Variants in LGR6 observed in about 807,000 individuals in gnomAD.
LGR6 encodes leucine rich repeat containing G protein-coupled receptor 6.
A neutral mutation model predicts 69.4 loss-of-function variants in LGR6; 45 were observed. That is an observed-to-expected ratio of 0.65 (90% confidence interval 0.51 to 0.83). The LOEUF is 0.83. LGR6 is among the 40% of genes least tolerant of loss of function. LGR6 has a pLI of 0.00. For missense variants in LGR6, 1,108 were observed against 1,246.7 expected (o/e 0.89, Z 1.68); for synonymous variants, 538 against 555.0 (o/e 0.97, Z 0.43).
intron 3 of LGR6, among the ~76,000 whole-genome samples, chr1:202,233,869 AAAGAG>A (rs1316059394): frequency 6.6e-6 from 1 of 152,234 alleles, no homozygotes; most frequent in Non-Finnish European, 1.5e-5. Context: ...ATAGATAAGA[AAAGAG>A]AAAACTAAGG....
At chr1:202,225,609 G>A in intron 2 of LGR6, 115 bp downstream of exon 2, 1 of 786,424 alleles carries the variant, frequency 1.3e-6, no homozygotes, top group Non-Finnish European at 2.1e-6. Context: ...GGGAAGCTAA[G>A]ACAGTTCTTG....
At chr1:202,220,899 ACACT>A (rs1407416269) in intron 1 of LGR6, among the ~76,000 whole-genome samples, 1 of 152,182 alleles carries the variant, frequency 6.6e-6, no homozygotes, top group African/African-American at 2.4e-5. Context: ...ACACACACAC[ACACT>A]ATGTGAGGTG....
At chr1:202,218,495 G>A (rs1018664661) in intron 1 of LGR6, among the ~76,000 whole-genome samples, 5 of 152,090 alleles carry the variant, frequency 3.3e-5, no homozygotes, top group South Asian at 2.1e-4. Flanking sequence ...ATGAGGTCTC[G>A]CAATGTTGTC....
chr1:202,304,496 G>C lies in LGR6; in HGVS notation c.999-63G>C. ...ACAGTATCAGGTCCAGAGCTGGAGCGGGGTGGCTGGGAATGGCAGGGCCCT... is the reference window on the plus strand; with the variant it reads ...ACAGTATCAGGTCCAGAGCTGGAGCCGGGTGGCTGGGAATGGCAGGGCCCT... On this transcript the variant is annotated intron_variant, in intron 10 of 17. Coordinates refer to ENST00000367278, the MANE Select transcript of LGR6 (RefSeq NM_001017403.2). The C allele has an allele frequency of 7.5e-6, 9 of 1,197,504 alleles. No individual in the cohort carries two copies. The South Asian group carries it at 1.1e-4, about 14-fold the overall frequency. 74.2% of individuals were successfully genotyped at this position (1,197,504 alleles called of 1,614,324 possible).
rs189604907 is a variant in LGR6 at position 202,238,262 on chromosome 1, T to C, written c.428+2269T>C. Among the ~76,000 whole-genome samples the C allele has an allele frequency of 4.0e-5, 6 of 151,380 alleles. No homozygotes were observed. In the East Asian group the frequency reaches 5.9e-4, roughly 15 times the overall value. ...AGGTGTGCACTACCACGCCAACTAA[T>C]TTTTGTATTTTTTTGTAGAGATGGG... On this transcript the variant is annotated intron_variant, in intron 4 of 17. Transcript: ENST00000367278.
At position 202,313,536 on chromosome 1, in the gene LGR6, T is replaced by C. The variant is rs141998524; in HGVS notation, c.1568-1266T>C. 4.6e-3 allele frequency among the ~76,000 whole-genome samples: 698 copies of C among 152,296 alleles called. 1 individual carries two copies. Among genetic ancestry groups the C allele is most frequent in the Middle Eastern group, 0.01 (3 of 294 alleles). ...GCTGTGAGGCTGCAGGCAAGCCACT[T>C]AACTTCAATGAGCCTCAGTCTCCTT... On this transcript the variant is annotated intron_variant, in intron 16 of 17. Transcript: ENST00000367278.
At chr1:202,197,277 G>C (rs1421000480) in intron 1 of LGR6, among the ~76,000 whole-genome samples, 1 of 152,202 alleles carries the variant, frequency 6.6e-6, no homozygotes, top group Non-Finnish European at 1.5e-5. Context: ...GACCAGAAAG[G>C]CGTCTTTATA....
At chr1:202,255,275 C>T (rs1663669714) in intron 4 of LGR6, among the ~76,000 whole-genome samples, 1 of 152,162 alleles carries the variant, frequency 6.6e-6, no homozygotes, top group African/African-American at 2.4e-5. Context: ...TGCCATGGGC[C>T]ACAAGTGAGG....
At chr1:202,237,130 C>T (rs1034922332) in intron 4 of LGR6, among the ~76,000 whole-genome samples, 1 of 152,300 alleles carries the variant, frequency 6.6e-6, no homozygotes. Flanking sequence ...CTCAGCTGCT[C>T]GATCGATCGG....
At chr1:202,195,370 G>T (rs969304712) in intron 1 of LGR6, among the ~76,000 whole-genome samples, 1 of 152,208 alleles carries the variant, frequency 6.6e-6, no homozygotes, top group Non-Finnish European at 1.5e-5. Flanking sequence ...GAGGTAGAGG[G>T]TCCCAGAGGG....
intron 1 of LGR6, among the ~76,000 whole-genome samples, chr1:202,204,510 CACACACACCTCCAA>C (rs1255601196): frequency 1.2e-4 from 9 of 76,126 alleles, no homozygotes; most frequent in African/African-American, 3.7e-4. Flanking sequence ...CCTCCAAACA[CACACACACCTCCAA>C]ACACACACAC....
At chr1:202,209,492 G>A (rs901991661) in intron 1 of LGR6, among the ~76,000 whole-genome samples, 19 of 152,332 alleles carry the variant, frequency 1.2e-4, no homozygotes, top group African/African-American at 3.1e-4. Context: ...CGTGGGGAGC[G>A]GGCAGAGTTG....
At chr1:202,230,844 A>G (rs1434332871) in intron 3 of LGR6, among the ~76,000 whole-genome samples, 1 of 152,092 alleles carries the variant, frequency 6.6e-6, no homozygotes, top group Non-Finnish European at 1.5e-5. Context: ...GGCATCTAGA[A>G]AGACTCCTGC....
intron 4 of LGR6, among the ~76,000 whole-genome samples, chr1:202,252,587 G>A (rs1307292462): frequency 6.6e-6 from 1 of 152,214 alleles, no homozygotes; most frequent in East Asian, 1.9e-4. Flanking sequence ...GCAACTACCT[G>A]CTGCCAGGGG....
chr1:202,218,913 C>G (rs61821577), intron 1 of LGR6, among the ~76,000 whole-genome samples: 2 of 152,152 alleles, frequency 1.3e-5, no homozygotes, highest in Non-Finnish European at 2.9e-5. Context: ...AAGTCCTTCC[C>G]CAGCAACATT....
chr1:202,253,825 A>C (rs1313866388), intron 4 of LGR6, among the ~76,000 whole-genome samples: 2 of 51,734 alleles, frequency 3.9e-5, no homozygotes, highest in African/African-American at 8.7e-5. Flanking sequence ...TTTTTTTTTG[A>C]GACGGAGTCT....
intron 4 of LGR6, 80 bp from the exon 5 acceptor site, chr1:202,276,226 C>T: frequency 8.4e-7 from 1 of 1,193,824 alleles, no homozygotes; most frequent in South Asian, 1.4e-5. Context: ...CTGTTGAGGG[C>T]CTGGCTGGCC....
chr1:202,244,263 C>T (rs1029517302), intron 4 of LGR6, among the ~76,000 whole-genome samples: 3 of 152,152 alleles, frequency 2.0e-5, no homozygotes, highest in African/African-American at 7.2e-5. Flanking sequence ...AGCCTAATCA[C>T]CTGTGTCTTA....
rs906197354 is a variant in LGR6 at position 202,194,494 on chromosome 1, C to A, written c.212+293C>A. ...GGCGAGGTGGGTTCTGGACCCTGAG[C>A]GGGAGGGCGCGGGGCTGGCTGCTCC... On this transcript the variant is annotated intron_variant, in intron 1 of 17. Coordinates refer to ENST00000367278, the MANE Select transcript of LGR6 (RefSeq NM_001017403.2). 43 of 651,032 alleles carry A rather than the reference C, an allele frequency of 6.6e-5. No homozygotes were observed. In the Middle Eastern group the frequency reaches 7.7e-4, roughly 12 times the overall value. The allele number at this position is 651,032 out of a possible 1,614,324, so 40.3% of individuals were successfully genotyped here. A position where few individuals can be genotyped will look rare whatever the true frequency, so the allele number is the denominator to read the frequency against.
Sources: allele counts gnomAD v4.1 joint callset (sites outside exome capture counted in the v4.1 genomes callset), GRCh38; gene constraint gnomAD v4.1.1; transcripts MANE v1.5; gene names NCBI Gene and HGNC (gene_info 2026-07-23, HGNC 2026-07-21).